Variants in ARHGAP30 observed in about 807,000 individuals in gnomAD.
ARHGAP30 encodes the protein Rho GTPase activating protein 30, also known as rho GTPase-activating protein 30.
In ARHGAP30, 23 loss-of-function variants were observed where a neutral mutation model predicts 72.0. That is an observed-to-expected ratio of 0.32 (90% confidence interval 0.23 to 0.45). The LOEUF is 0.45. ARHGAP30 is among the 20% of genes least tolerant of loss of function. The pLI is 1.00. For synonymous variants in ARHGAP30, 576 were observed against 528.2 expected (o/e 1.09, Z -1.24); for missense variants, 1,319 against 1,383.4 (o/e 0.95, Z 0.74).
chr1:161,054,646 C>G lies in ARHGAP30; in HGVS notation c.405G>C (p.Arg135=). The change falls in exon 4 of 12, where the codon CGG becomes CGC. Residue 135 remains arginine, a synonymous_variant. Transcript: ENST00000368013. ...ACCTGTAGTTTGGGACAGGGAGTTC[C>G]CGAAGCACCTCTAGGATCTTGACCA... The part of the protein sequence containing the change: ...ERLVKILEVL[R]ELPVPNYRTL... 3 of 1,613,976 alleles carry G rather than the reference C, an allele frequency of 1.9e-6. No individual in the cohort carries two copies. Among genetic ancestry groups the G allele is most frequent in the East Asian group, 2.2e-5 (1 of 44,874 alleles).
In ARHGAP30 at chr1:161,046,989, A is replaced by T; in HGVS notation, c.*726T>A. On this transcript the variant is annotated 3_prime_UTR_variant, in exon 12 of 12. Coordinates refer to ENST00000368013, the MANE Select transcript of ARHGAP30 (RefSeq NM_001025598.2). ...ATTCTGAGACATTGACCTTCACTAG[A>T]GTGGGACCTGTGGCCCCAGCCTGGC... 2.1e-6 allele frequency: 1 copy of T among 470,562 alleles called. No individual in the cohort carries two copies. Among genetic ancestry groups the T allele is most frequent in the South Asian group, 1.6e-5 (1 of 64,388 alleles). The allele number at this position is 470,562 out of a possible 1,614,324, so 29.1% of individuals were successfully genotyped here.
chr1:161,051,770 G>C, intron 9 of ARHGAP30, 55 bp from the exon 10 acceptor site: 1 of 1,490,740 alleles, frequency 6.7e-7, no homozygotes, highest in Non-Finnish European at 8.9e-7. Flanking sequence ...AAGGGGCCTA[G>C]ACATCTCAAG....
intron 10 of ARHGAP30, 98 bp from the exon 11 acceptor site, chr1:161,049,787 C>T (rs1651213557): frequency 2.8e-6 from 4 of 1,442,870 alleles, no homozygotes; most frequent in Admixed American, 4.3e-5. Flanking sequence ...GCCCAGCACT[C>T]CCAGCATTGC....
chr1:161,053,486 C>T, intron 5 of ARHGAP30, 101 bp from the exon 6 acceptor site: 1 of 1,226,380 alleles, frequency 8.2e-7, no homozygotes, highest in South Asian at 1.5e-5. Context: ...CTCTCTCTCT[C>T]TCTCTCTCTC....
In ARHGAP30 at chr1:161,054,452, C is replaced by T. The variant is rs1190069063; in HGVS notation, c.450G>A (p.Arg150=). Residue 150 remains arginine (R), a synonymous_variant, in exon 5 of 12, where the codon AGG becomes AGA. Coordinates refer to ENST00000368013, the MANE Select transcript of ARHGAP30 (RefSeq NM_001025598.2). ...PNYRTLEFLM[R]HLVHMASFSA... is the part of the protein sequence containing the mutation. ...TGAATGAGGCCATGTGTACCAAGTG[C>T]CTCATGAGGAACTCCAGGGTCCTGC... 1 of 1,613,914 alleles carries T rather than the reference C, an allele frequency of 6.2e-7. No individual in the cohort carries two copies. Among genetic ancestry groups the T allele is most frequent in the Non-Finnish European group, 8.5e-7 (1 of 1,179,938 alleles).
At position 161,048,619 on chromosome 1, in the gene ARHGAP30, C is replaced by T. The variant is rs751773850; in HGVS notation, c.2402G>A (p.Gly801Glu). 10 of 1,614,048 alleles carry T rather than the reference C, an allele frequency of 6.2e-6. No homozygotes were observed. Among genetic ancestry groups the T allele is most frequent in the Non-Finnish European group, 7.6e-6 (9 of 1,180,008 alleles). ...AEGVREDEDK[G>E]QREKGYHEAR... ...TTCATGGTACCCCTTCTCCCTCTGT[C>T]CTTTGTCCTCATCCTCTCTGACTCC... Residue 801 changes from glycine (G) to glutamate (E), a missense_variant, in exon 12 of 12, where the codon GGA (glycine) becomes GAA (glutamate). By Grantham distance (98) the Gly-to-Glu change is moderately conservative. Transcript: ENST00000368013.
At chr1:161,050,406 C>A (rs576489133) in intron 10 of ARHGAP30, among the ~76,000 whole-genome samples, 1 of 144,616 alleles carries the variant, frequency 6.9e-6, no homozygotes, top group African/African-American at 2.5e-5. Context: ...TGAACCAATT[C>A]TCCTGCCTCA....
chr1:161,069,250 C>T lies in ARHGAP30; in HGVS notation c.97+278G>A, dbSNP rs1481550084. ...GTTTCATCCACTCCTCCTCGGTTTCCAGTCTCTCCATCCTCCCCCTCACTG... is the reference window on the plus strand; with the variant it reads ...GTTTCATCCACTCCTCCTCGGTTTCTAGTCTCTCCATCCTCCCCCTCACTG... On this transcript the variant is annotated intron_variant, in intron 1 of 11. Coordinates refer to ENST00000368013, the MANE Select transcript of ARHGAP30 (RefSeq NM_001025598.2). The surrounding 1 kb of genome is among the most constrained non-coding windows in gnomAD (Gnocchi z 4.9). 6.6e-6 allele frequency among the ~76,000 whole-genome samples: 1 copy of T among 152,136 alleles called. No individual in the cohort carries two copies. Among genetic ancestry groups the T allele is most frequent in the African/African-American group, 2.4e-5 (1 of 41,414 alleles).
At chr1:161,061,700 G>C (rs1411821715) in intron 1 of ARHGAP30, among the ~76,000 whole-genome samples, 1 of 152,126 alleles carries the variant, frequency 6.6e-6, no homozygotes, top group Non-Finnish European at 1.5e-5. Context: ...GCCCCCTCCT[G>C]TTACTAGACT....
At chr1:161,060,994 G>A (rs1249474394) in intron 1 of ARHGAP30, among the ~76,000 whole-genome samples, 3 of 151,556 alleles carry the variant, frequency 2.0e-5, no homozygotes, top group South Asian at 2.1e-4. Context: ...GTGAGCCACC[G>A]AGCCTGGCCA....
At chr1:161,057,145 G>T (rs1651934294) in intron 2 of ARHGAP30, among the ~76,000 whole-genome samples, 1 of 149,336 alleles carries the variant, frequency 6.7e-6, no homozygotes, top group Non-Finnish European at 1.5e-5. Flanking sequence ...TGACTAGAAA[G>T]ACAAATAAGC....
In ARHGAP30 at chr1:161,051,432, G is replaced by A; in HGVS notation, c.1302C>T (p.Ile434=). 1 of 1,614,246 alleles carries A rather than the reference G, an allele frequency of 6.2e-7. No homozygotes were observed. Among genetic ancestry groups the A allele is most frequent in the Non-Finnish European group, 8.5e-7 (1 of 1,180,050 alleles). ...ITSILSVPPN[I]ISNVSLARLT... Reference sequence around the variant, plus strand: ...GCCTGGCCAAGGAAACGTTAGAGATGATGTTCGGGGGCACACTGAGGATAG... The same window carrying A: ...GCCTGGCCAAGGAAACGTTAGAGATAATGTTCGGGGGCACACTGAGGATAG... The change falls in exon 10 of 12, where the codon ATC becomes ATT. Residue 434 remains isoleucine, a synonymous_variant. Transcript: ENST00000368013.
At chr1:161,052,952 G>T (rs1651526088) in intron 6 of ARHGAP30, 155 bp from the exon 7 acceptor site, 3 of 1,030,826 alleles carry the variant, frequency 2.9e-6, no homozygotes, top group Non-Finnish European at 4.1e-6. Flanking sequence ...TCAAAAGAGT[G>T]CCCTCATGGA....
At position 161,047,733 on chromosome 1, in the gene ARHGAP30, C is replaced by T; in HGVS notation, c.3288G>A (p.Gly1096=). ...SYAFETQANP[G]KGEGL The stretch of plus-strand genomic sequence containing the variant: ...GTCCTAATCACAGTCCTTCACCTTT[C>T]CCAGGGTTAGCCTGTGTTTCAAATG... Residue 1096 remains glycine (G), a synonymous_variant, in exon 12 of 12, where the codon GGG becomes GGA. Transcript: ENST00000368013. The T allele has an allele frequency of 2.0e-6, 3 of 1,523,924 alleles. No individual in the cohort carries two copies. Among genetic ancestry groups the T allele is most frequent in the Non-Finnish European group, 2.6e-6 (3 of 1,137,134 alleles). 94.4% of individuals were successfully genotyped at this position (1,523,924 alleles called of 1,614,324 possible). A position where few individuals can be genotyped will look rare whatever the true frequency, so the allele number is the denominator to read the frequency against.
intron 1 of ARHGAP30, among the ~76,000 whole-genome samples, chr1:161,064,773 G>GAA (rs778118241): frequency 1.7e-4 from 15 of 90,436 alleles, no homozygotes; most frequent in East Asian, 5.4e-4. Flanking sequence ...AAGAAAGAAA[G>GAA]AAAGAAAAAG....
Position 161,047,551 on chromosome 1 carries a change from C to T in ARHGAP30, c.*164G>A. On this transcript the variant is annotated 3_prime_UTR_variant, in exon 12 of 12. Coordinates refer to ENST00000368013, the MANE Select transcript of ARHGAP30 (RefSeq NM_001025598.2). ...TGTGTCGGAGACAAGTTCAGGTAAA[C>T]CAACCAAGGCAGTGCCTCCCACAGT... 1 of 628,086 alleles carries T rather than the reference C, an allele frequency of 1.6e-6. No homozygotes were observed. Among genetic ancestry groups the T allele is most frequent in the Non-Finnish European group, 2.4e-6 (1 of 415,788 alleles). The allele number at this position is 628,086 out of a possible 1,614,324, so 38.9% of individuals were successfully genotyped here.
Position 161,052,501 on chromosome 1 carries a change from G to A in ARHGAP30, c.879C>T (p.Phe293=). 2 of 1,613,686 alleles carry A rather than the reference G, an allele frequency of 1.2e-6. No individual in the cohort carries two copies. The highest frequency in any genetic ancestry group is 1.7e-6 in the Non-Finnish European group (2 of 1,179,990). Residue 293 remains phenylalanine (F), a synonymous_variant, in exon 8 of 12, where the codon TTC becomes TTT. Transcript: ENST00000368013. ...TCTCATGGCCAGAGCGACCTAAATT[G>A]AAGATAGACCTCCACTTCCTGACCT... ...SLKVRKWRSI[F]NLGRSGHETK...
chr1:161,052,792 C>T lies in ARHGAP30; in HGVS notation c.670G>A (p.Glu224Lys), dbSNP rs202221316. 1.3e-5 allele frequency: 21 copies of T among 1,610,472 alleles called. No homozygotes were observed. In the Admixed American group the frequency reaches 2.0e-4, roughly 15 times the overall value. ...LFGGAALSGG[E>K]VESGWRSLPG... The stretch of plus-strand genomic sequence containing the variant: ...AGCGATCGCCACCCACTCTCCACCT[C>T]ACCACCTGGGAAAAGAAAAGGAATT... The change falls in exon 7 of 12, where the codon GAG (glutamate) becomes AAG (lysine). Residue 224 changes from glutamate to lysine, a missense_variant. This residue lies in a region of ARHGAP30 where 222 missense variants were observed against 338.2 expected (regional missense o/e 0.66). Transcript: ENST00000368013.
intron 2 of ARHGAP30, among the ~76,000 whole-genome samples, chr1:161,058,243 C>G (rs761956681): frequency 9.9e-5 from 15 of 150,790 alleles, no homozygotes; most frequent in Non-Finnish European, 2.1e-4. Context: ...ACCTAGGAGT[C>G]AGAGGCTGCA....
Sources: gnomAD v4.1 joint callset for allele counts (sites outside exome capture counted in the v4.1 genomes callset) on GRCh38, gnomAD v4.1.1 for gene constraint, gnomAD v4.1.1 regional missense constraint, Gnocchi (gnomAD v3.1) non-coding constraint, MANE v1.5 for transcripts, NCBI Gene and HGNC (gene_info 2026-07-23, HGNC 2026-07-21) for gene names.